Variants in ZNF100 observed in about 807,000 individuals in gnomAD.
The protein encoded by ZNF100 is zinc finger protein 100.
A neutral mutation model predicts 15.8 loss-of-function variants in ZNF100; 12 were observed. The ratio of observed to expected loss-of-function variants is 0.76; its 90% CI spans 0.49 to 1.23. The LOEUF (loss-of-function observed/expected upper bound fraction) is 1.23. ZNF100 is among the 50% of genes most tolerant of loss of function. The probability of loss-of-function intolerance (pLI) is 0.00; values close to 1 mark genes in which losing one functional copy is unlikely to be tolerated. For missense variants in ZNF100, 670 were observed against 635.6 expected, an observed-to-expected ratio of 1.05 and a Z score of -0.58; for synonymous variants, 226 against 214.8, an observed-to-expected ratio of 1.05 and a Z score of -0.45.
At position 21,767,307 on chromosome 19, in the gene ZNF100, G is replaced by A. The variant is rs574559943; in HGVS notation, c.3+120C>T. 4.4e-4 allele frequency: 691 copies of A among 1,557,804 alleles called. 18 individuals are homozygous for A. The South Asian group carries it at 7.5e-3, about 17-fold the overall frequency. On this transcript the variant is annotated intron_variant, in intron 1 of 4. Coordinates refer to ENST00000358296, the MANE Select transcript of ZNF100 (RefSeq NM_173531.4). ...GGCCGAAGGGGACGGAGGCCGAGCT[G>A]GGCAAGGCGCAGATTGTGAAGCTGA...
chr19:21,735,937 C>T (rs756374922), intron 4 of ZNF100, among the ~76,000 whole-genome samples: 2 of 151,456 alleles, frequency 1.3e-5, no homozygotes, highest in African/African-American at 2.4e-5. Flanking sequence ...TACAGGTGCC[C>T]GCCACCACAT....
chr19:21,760,835 G>C (rs1210506117), intron 2 of ZNF100, among the ~76,000 whole-genome samples: 3 of 124,804 alleles, frequency 2.4e-5, no homozygotes, highest in African/African-American at 9.4e-5. Context: ...CGGCTCACTG[G>C]AAGTTCCACT....
intron 2 of ZNF100, among the ~76,000 whole-genome samples, chr19:21,760,206 AT>A (rs1336684616): frequency 4.7e-5 from 7 of 149,274 alleles, no homozygotes; most frequent in Non-Finnish European, 1.0e-4. Context: ...GGAAATTGCT[AT>A]TATTCTAATA....
chr19:21,748,041 A>T (rs974260992), intron 2 of ZNF100, among the ~76,000 whole-genome samples: 2 of 152,072 alleles, frequency 1.3e-5, no homozygotes, highest in Non-Finnish European at 2.9e-5. Context: ...AGTTTAAGAA[A>T]TTTTTTTCTA....
chr19:21,755,509 G>A (rs1226279875), intron 2 of ZNF100, among the ~76,000 whole-genome samples: 1 of 152,120 alleles, frequency 6.6e-6, no homozygotes, highest in Non-Finnish European at 1.5e-5. Flanking sequence ...TCTAACCATT[G>A]TGGAAGACAG....
intron 2 of ZNF100, among the ~76,000 whole-genome samples, chr19:21,762,827 C>T (rs1377083031): frequency 1.3e-5 from 2 of 152,106 alleles, no homozygotes; most frequent in Non-Finnish European, 2.9e-5. Flanking sequence ...AGATAGTTAA[C>T]CATTCTAAGT....
chr19:21,762,838 C>T (rs2036503279), intron 2 of ZNF100, among the ~76,000 whole-genome samples: 1 of 152,098 alleles, frequency 6.6e-6, no homozygotes, highest in Admixed American at 6.5e-5. Context: ...CATTCTAAGT[C>T]ACAGGATGAG....
At chr19:21,735,193 C>T (rs542126434) in intron 4 of ZNF100, among the ~76,000 whole-genome samples, 141 of 152,274 alleles carry the variant, frequency 9.3e-4, no homozygotes, top group Admixed American at 3.3e-3. Context: ...CAAATTCACA[C>T]ATAACAATAT....
In ZNF100 at chr19:21,751,792, A is replaced by C. The variant is rs1047436457; in HGVS notation, c.97-6725T>G. On this transcript the variant is annotated intron_variant, in intron 2 of 4. Transcript: ENST00000358296. ...TATTTGCTCCTCTTAGCAAAGAAAG[A>C]GCACAGAACCTAGAGGCTATTTCTA... The C allele has an allele frequency of 1.2e-4, 141 of 1,225,788 alleles. 3 individuals carry two copies. The South Asian group carries it at 1.3e-3, about 11-fold the overall frequency. 75.9% of individuals were successfully genotyped at this position (1,225,788 alleles called of 1,614,324 possible). A position where few individuals can be genotyped will look rare whatever the true frequency, so the allele number is the denominator to read the frequency against.
At chr19:21,750,527 T>A (rs1314403855) in intron 2 of ZNF100, 1 of 152,744 alleles carries the variant, frequency 6.5e-6, no homozygotes, top group Admixed American at 6.5e-5. Flanking sequence ...ATACCTGGGA[T>A]GCAAGGCTGG....
Position 21,765,625 on chromosome 19 carries a change from C to T in ZNF100, c.96+69G>A, listed in dbSNP as rs2036545275. 3.5e-6 allele frequency: 5 copies of T among 1,446,514 alleles called. No individual in the cohort carries two copies. The South Asian group carries it at 3.5e-5, about 10-fold the overall frequency. 89.6% of individuals were successfully genotyped at this position (1,446,514 alleles called of 1,614,324 possible). On this transcript the variant is annotated intron_variant, in intron 2 of 4. Coordinates refer to ENST00000358296, the MANE Select transcript of ZNF100 (RefSeq NM_173531.4). The stretch of plus-strand genomic sequence containing the variant: ...TCAATACCAGCATCTGATTGGCTGA[C>T]CAGCAACGTGTCTCCAAGAAATGAA...
chr19:21,756,356 G>A (rs2036393393), intron 2 of ZNF100, among the ~76,000 whole-genome samples: 1 of 152,144 alleles, frequency 6.6e-6, no homozygotes. Context: ...AATTGGTACA[G>A]TCTCAGCAGA....
intron 2 of ZNF100, chr19:21,752,385 TAGG>T (rs1461162293): frequency 1.3e-5 from 2 of 152,650 alleles, no homozygotes; most frequent in African/African-American, 4.8e-5. Flanking sequence ...TAAAGCCACT[TAGG>T]AGCAGACTGC....
At chr19:21,731,545 T>A (rs2035920479) in intron 4 of ZNF100, among the ~76,000 whole-genome samples, 1 of 152,014 alleles carries the variant, frequency 6.6e-6, no homozygotes, top group Non-Finnish European at 1.5e-5. Context: ...TTGACCTTGA[T>A]ATCCGCCTGC....
At chr19:21,751,934 G>A in intron 2 of ZNF100, 1 of 506,550 alleles carries the variant, frequency 2.0e-6, no homozygotes, top group South Asian at 3.9e-5. Flanking sequence ...AGAAATGAGG[G>A]GTTATAATGT....
chr19:21,751,101 G>C, intron 2 of ZNF100: 2 of 1,435,266 alleles, frequency 1.4e-6, no homozygotes, highest in South Asian at 2.3e-5. Flanking sequence ...ACCATCCAAG[G>C]GCAAGCACAA....
intron 1 of ZNF100, 139 bp from the exon 2 acceptor site, chr19:21,765,925 C>T: frequency 2.7e-6 from 2 of 734,652 alleles, no homozygotes; most frequent in Admixed American, 2.8e-5. Context: ...GAGGACACAT[C>T]ACCCCATAGA....
At chr19:21,756,420 G>GT (rs1182379714) in intron 2 of ZNF100, among the ~76,000 whole-genome samples, 1 of 152,040 alleles carries the variant, frequency 6.6e-6, no homozygotes, top group Non-Finnish European at 1.5e-5. Flanking sequence ...TACTAAATCA[G>GT]TAGCATCTCT....
In ZNF100 at chr19:21,725,897, A is replaced by T. The variant is rs919805135; in HGVS notation, c.*786T>A. 1.3e-5 allele frequency: 2 copies of T among 152,086 alleles called. No individual in the cohort carries two copies. Among genetic ancestry groups the T allele is most frequent in the Non-Finnish European group, 2.9e-5 (2 of 67,972 alleles). The allele number at this position is 152,086 out of a possible 1,614,324, so 9.4% of individuals were successfully genotyped here. On this transcript the variant is annotated 3_prime_UTR_variant, in exon 5 of 5. Transcript: ENST00000358296. Reference sequence around the variant, plus strand: ...ACTTAATGATTAAAATTTTTAAAAAATTTTTCCTGTATCTGCAAAAATATG... The same window carrying T: ...ACTTAATGATTAAAATTTTTAAAAATTTTTTCCTGTATCTGCAAAAATATG...
Sources: allele counts gnomAD v4.1 joint callset (sites outside exome capture counted in the v4.1 genomes callset), GRCh38; gene constraint gnomAD v4.1.1; transcripts MANE v1.5; gene names NCBI Gene and HGNC (gene_info 2026-07-23, HGNC 2026-07-21).